Variants in PRDM5 observed in about 807,000 individuals in gnomAD.
The protein encoded by PRDM5 is PR domain zinc finger protein 5.
In PRDM5, 56 loss-of-function variants were observed where a neutral mutation model predicts 81.2. That is an observed-to-expected ratio of 0.69 (90% CI 0.56 to 0.86). The LOEUF is 0.86. Ranked by LOEUF, PRDM5 falls within the 40% of genes least tolerant of loss-of-function variation. The probability of loss-of-function intolerance (pLI) is 0.00; values close to 1 mark genes in which losing one functional copy is unlikely to be tolerated. For synonymous variants in PRDM5, 267 were observed against 256.4 expected, an observed-to-expected ratio of 1.04 and a Z score of -0.39; for missense variants, 697 against 770.1, an observed-to-expected ratio of 0.91 and a Z score of 1.12.
chr4:120,780,683 T>G (rs1453378028), intron 12 of PRDM5, among the ~76,000 whole-genome samples: 1 of 152,126 alleles, frequency 6.6e-6, no homozygotes, highest in Admixed American at 6.6e-5. Context: ...TACCAGAAAC[T>G]TCCCTATGCT....
chr4:120,840,227 G>A (rs565956221), intron 3 of PRDM5, among the ~76,000 whole-genome samples: 1 of 152,306 alleles, frequency 6.6e-6, no homozygotes, highest in Non-Finnish European at 1.5e-5. Flanking sequence ...GCTGGGGCCA[G>A]CATTTGGGGT....
chr4:120,722,661 C>T (rs933784284), intron 14 of PRDM5, among the ~76,000 whole-genome samples: 4 of 152,062 alleles, frequency 2.6e-5, no homozygotes, highest in East Asian at 1.9e-4. Flanking sequence ...GATTTGCAGA[C>T]GCATTTGGGG....
intron 2 of PRDM5, among the ~76,000 whole-genome samples, chr4:120,855,943 T>C (rs1759830900): frequency 6.6e-6 from 1 of 152,252 alleles, no homozygotes; most frequent in African/African-American, 2.4e-5. Context: ...AAGCACAATA[T>C]ATATCAGATG....
chr4:120,821,621 T>C (rs139420176), intron 3 of PRDM5, among the ~76,000 whole-genome samples: 20 of 152,260 alleles, frequency 1.3e-4, no homozygotes, highest in Admixed American at 3.9e-4. Flanking sequence ...ACTGGCCTTA[T>C]GCAAGCAACA....
At chr4:120,806,420 G>T (rs79763331) in intron 8 of PRDM5, among the ~76,000 whole-genome samples, 1 of 152,150 alleles carries the variant, frequency 6.6e-6, no homozygotes, top group Non-Finnish European at 1.5e-5. Context: ...AACAAAGCTG[G>T]AGGCATCACC....
At chr4:120,699,408 A>T (rs1735031452) in intron 15 of PRDM5, among the ~76,000 whole-genome samples, 1 of 151,806 alleles carries the variant, frequency 6.6e-6, no homozygotes, top group Non-Finnish European at 1.5e-5. Context: ...TGTAAGCATT[A>T]CTTTATTTAA....
chr4:120,871,147 T>C (rs1359969913), intron 2 of PRDM5, among the ~76,000 whole-genome samples: 1 of 152,228 alleles, frequency 6.6e-6, no homozygotes, highest in Non-Finnish European at 1.5e-5. Context: ...AGAAAGTTTT[T>C]CCTCAGGTTG....
intron 13 of PRDM5, among the ~76,000 whole-genome samples, chr4:120,764,053 C>T: frequency 6.6e-6 from 1 of 151,706 alleles, no homozygotes; most frequent in East Asian, 1.9e-4. Flanking sequence ...CAGAAGAAAG[C>T]ACAAATTAGG....
chr4:120,902,682 A>C (rs1043624864), intron 2 of PRDM5, among the ~76,000 whole-genome samples: 1 of 152,198 alleles, frequency 6.6e-6, no homozygotes, highest in Non-Finnish European at 1.5e-5. Flanking sequence ...ATTTTAAAAG[A>C]AAAGTAAAAA....
intron 2 of PRDM5, among the ~76,000 whole-genome samples, chr4:120,904,978 C>T (rs1437737334): frequency 6.6e-6 from 1 of 152,100 alleles, no homozygotes; most frequent in Non-Finnish European, 1.5e-5. Context: ...ACTAAGTTAT[C>T]AGGTTTTTTT....
chr4:120,898,821 C>T (rs1764930616), intron 2 of PRDM5, among the ~76,000 whole-genome samples: 1 of 152,098 alleles, frequency 6.6e-6, no homozygotes, highest in Admixed American at 6.6e-5. Context: ...GCTACTAAAA[C>T]ATAGGTCCCA....
chr4:120,906,114 G>C (rs1452188789), intron 2 of PRDM5, among the ~76,000 whole-genome samples: 1 of 152,018 alleles, frequency 6.6e-6, no homozygotes, highest in South Asian at 2.1e-4. Context: ...TGGGACTACA[G>C]GCACGTACCA....
chr4:120,758,297 AG>A (rs1561116367), intron 13 of PRDM5, among the ~76,000 whole-genome samples: 1 of 152,092 alleles, frequency 6.6e-6, no homozygotes, highest in South Asian at 2.1e-4. Flanking sequence ...CACTCTCACA[AG>A]TGTCTCAATT....
At chr4:120,791,168 C>G (rs781751417) in intron 10 of PRDM5, among the ~76,000 whole-genome samples, 1 of 151,904 alleles carries the variant, frequency 6.6e-6, no homozygotes, top group Non-Finnish European at 1.5e-5. Flanking sequence ...CCTATTTGAC[C>G]CAGAAATTCC....
intron 3 of PRDM5, among the ~76,000 whole-genome samples, chr4:120,833,057 C>T (rs529807210): frequency 8.5e-5 from 13 of 152,238 alleles, no homozygotes; most frequent in South Asian, 8.3e-4. Flanking sequence ...ACTTTATATG[C>T]TCTCAGGGGA....
chr4:120,805,501 C>T (rs903633530), intron 8 of PRDM5, among the ~76,000 whole-genome samples: 1 of 152,180 alleles, frequency 6.6e-6, no homozygotes, highest in African/African-American at 2.4e-5. Context: ...AGCTTATCCA[C>T]CATGATCAAG....
intron 13 of PRDM5, among the ~76,000 whole-genome samples, chr4:120,775,066 G>A (rs1489345404): frequency 6.6e-6 from 1 of 150,918 alleles, no homozygotes; most frequent in Non-Finnish European, 1.5e-5. Flanking sequence ...AGTTCATTGT[G>A]CCTTACCACT....
rs114401864 is a variant in PRDM5, at chr4:120,709,945, T to C, written c.1728+364A>G. 9.4e-3 allele frequency among the ~76,000 whole-genome samples: 1,429 copies of C among 152,272 alleles called. 18 individuals carry two copies. Among genetic ancestry groups the C allele is most frequent in the African/African-American group, 0.033 (1,354 of 41,558 alleles). ...TAAATAATATGTATGACCAGTCAAA[T>C]CTCTGGTTTAACTGTCATTAATCAG... On this transcript the variant is annotated intron_variant, in intron 15 of 15. Transcript: ENST00000264808.
intron 14 of PRDM5, among the ~76,000 whole-genome samples, chr4:120,711,599 T>C (rs1826811): frequency 0.98 from 148,506 of 152,124 alleles, 72,593 homozygotes; most frequent in East Asian, 1. Context: ...TGTGAGCCAC[T>C]GCACCTGTGT....
Sources: gnomAD v4.1 joint callset for allele counts (sites outside exome capture counted in the v4.1 genomes callset) on GRCh38, gnomAD v4.1.1 for gene constraint, MANE v1.5 for transcripts, NCBI Gene and HGNC (gene_info 2026-07-23, HGNC 2026-07-21) for gene names.